The following DROSHA variants were observed in gnomAD, a reference collection of about 807,000 sequenced individuals.
DROSHA encodes ribonuclease 3.
A neutral mutation model predicts 181.9 loss-of-function variants in DROSHA; 56 were observed. That is an observed-to-expected ratio of 0.31 (90% confidence interval 0.25 to 0.38). The LOEUF (loss-of-function observed/expected upper bound fraction) is 0.38, where lower values mean the gene tolerates loss of function less well. DROSHA is among the 10% of genes least tolerant of loss of function. The probability of loss-of-function intolerance (pLI) is 1.00; values close to 1 mark genes in which losing one functional copy is unlikely to be tolerated. For synonymous variants in DROSHA, 524 were observed against 591.2 expected (o/e 0.89, Z 1.65); for missense variants, 1,218 against 1,743.5 (o/e 0.70, Z 5.37).
chr5:31,521,135 T>G lies in DROSHA; in HGVS notation c.935A>C (p.Lys312Thr). The change falls in exon 6 of 36, where the codon AAG (lysine) becomes ACG (threonine). Residue 312 changes from lysine (K) to threonine (T), a missense_variant. Physicochemically the swap from Lys to Thr is moderately conservative, Grantham distance 78 (BLOSUM62 -1). Transcript: ENST00000344624. Reference protein sequence around the residue: ...SLERSYKKEYKRSGRSYGLSV... With the variant: ...SLERSYKKEYTRSGRSYGLSV... Reference sequence around the variant, plus strand: ...ACTCCTTGCTTACCTTCCAGATCTCTTATACTCTTTTTTGTAGGACCTTTC... The same window carrying G: ...ACTCCTTGCTTACCTTCCAGATCTCGTATACTCTTTTTTGTAGGACCTTTC... 2 of 1,613,620 alleles carry G rather than the reference T, an allele frequency of 1.2e-6. No individual in the cohort carries two copies. Among genetic ancestry groups the G allele is most frequent in the Non-Finnish European group, 1.7e-6 (2 of 1,179,590 alleles).
intron 10 of DROSHA, among the ~76,000 whole-genome samples, chr5:31,505,138 C>T (rs539412423): frequency 3.3e-5 from 5 of 152,254 alleles, no homozygotes; most frequent in South Asian, 2.1e-4. Flanking sequence ...GGTTAGATTA[C>T]ATCTCTTTCT....
chr5:31,447,191 C>T (rs917161471), intron 23 of DROSHA, among the ~76,000 whole-genome samples: 2 of 152,120 alleles, frequency 1.3e-5, no homozygotes, highest in African/African-American at 4.8e-5. Flanking sequence ...CCACAGGTTA[C>T]ATGGACACAT....
chr5:31,483,489 G>A (rs10052174), intron 16 of DROSHA, 65 bp downstream of exon 16: 1,360,565 of 1,548,460 alleles, frequency 0.88, 603,354 homozygotes, highest in Non-Finnish European at 0.91. Context: ...AGACTGAAAG[G>A]AAAATGGCAA....
At chr5:31,405,981 A>G (rs575067165) in intron 34 of DROSHA, among the ~76,000 whole-genome samples, 1 of 152,126 alleles carries the variant, frequency 6.6e-6, no homozygotes, top group African/African-American at 2.4e-5. Flanking sequence ...TAATACTGCA[A>G]TAAAATGCCT....
At chr5:31,475,016 CA>C (rs1270274399) in intron 16 of DROSHA, among the ~76,000 whole-genome samples, 87 of 152,256 alleles carry the variant, frequency 5.7e-4, no homozygotes, top group African/African-American at 2.1e-3. Context: ...TTCTCCAAGT[CA>C]GTCTCAAAAC....
At chr5:31,403,532 G>GTATAAGCATTTTCCCATATCATTAGTTTT (rs1418456050) in intron 35 of DROSHA, among the ~76,000 whole-genome samples, 3 of 151,988 alleles carry the variant, frequency 2.0e-5, no homozygotes, top group African/African-American at 7.3e-5. Flanking sequence ...ACTTATTCTA[G>GTATAAGCATTTTCCCATATCATTAGTTTT]TATAAGCATT....
intron 20 of DROSHA, among the ~76,000 whole-genome samples, chr5:31,459,027 C>T (rs1473338875): frequency 2.6e-5 from 4 of 152,192 alleles, no homozygotes; most frequent in Non-Finnish European, 1.5e-5. Context: ...ACTTAAACAA[C>T]ATCAACTAAT....
At chr5:31,501,575 A>G (rs1031336339) in intron 11 of DROSHA, among the ~76,000 whole-genome samples, 4 of 152,110 alleles carry the variant, frequency 2.6e-5, no homozygotes, top group African/African-American at 4.8e-5. Flanking sequence ...TACCGGTCCT[A>G]TCTCCAATTA....
At chr5:31,408,976 A>G (rs1356767670) in intron 33 of DROSHA, 80 bp downstream of exon 33, 6 of 1,228,524 alleles carry the variant, frequency 4.9e-6, no homozygotes, top group African/African-American at 1.5e-5. Flanking sequence ...CCCCACAATG[A>G]CTCATTCTTC....
At chr5:31,433,689 C>T (rs531224133) in intron 25 of DROSHA, among the ~76,000 whole-genome samples, 3 of 152,170 alleles carry the variant, frequency 2.0e-5, no homozygotes, top group East Asian at 1.9e-4. Context: ...GGACTACAGG[C>T]GCCTGCCACC....
intron 26 of DROSHA, among the ~76,000 whole-genome samples, chr5:31,430,052 C>A (rs1743982190): frequency 6.6e-6 from 1 of 152,106 alleles, no homozygotes; most frequent in South Asian, 2.1e-4. Flanking sequence ...TAGGCAAACA[C>A]ATTAATGAAT....
At position 31,508,699 on chromosome 5, in the gene DROSHA, G is replaced by A. The variant is rs749853936; in HGVS notation, c.1509C>T (p.Asp503=). ...TTTTGCGTTTGATTTCTGCAATAAC[G>A]TCAAAAACTTCAGAGTCTGAGCTGC... The part of the protein sequence containing the change: ...CSSSSDSEVF[D]VIAEIKRKKA... Residue 503 remains aspartate, a synonymous_variant, in exon 10 of 36, where the codon GAC becomes GAT. Transcript: ENST00000344624. The A allele has an allele frequency of 2.0e-5, 33 of 1,613,730 alleles. No individual in the cohort carries two copies. Among genetic ancestry groups the A allele is most frequent in the South Asian group, 1.5e-4 (14 of 91,074 alleles).
intron 13 of DROSHA, chr5:31,489,089 G>A (rs1752104747): frequency 6.6e-6 from 1 of 152,200 alleles, no homozygotes; most frequent in Non-Finnish European, 1.5e-5. Context: ...AATCTAAAAT[G>A]TGAGAGTGGA....
At chr5:31,445,039 G>C (rs1162417792) in intron 23 of DROSHA, among the ~76,000 whole-genome samples, 2 of 152,206 alleles carry the variant, frequency 1.3e-5, no homozygotes, top group African/African-American at 4.8e-5. Context: ...TGAAGTAATT[G>C]CCTCGATTTT....
rs566037969 is a variant in DROSHA at position 31,410,160 on chromosome 5, G to A, written c.3667+586C>T. Reference sequence around the variant, plus strand: ...TATAATTCCCATTGTCAAAAATACCGTAACATTAAAAAAAAAGTTCTAAGG... The same window carrying A: ...TATAATTCCCATTGTCAAAAATACCATAACATTAAAAAAAAAGTTCTAAGG... On this transcript the variant is annotated intron_variant, in intron 31 of 35. Coordinates refer to ENST00000344624, the MANE Select transcript of DROSHA (RefSeq NM_001382508.1). Among the ~76,000 whole-genome samples, 666 of 152,028 alleles carry A rather than the reference G, an allele frequency of 4.4e-3. 5 individuals carry two copies. Among genetic ancestry groups the A allele is most frequent in the African/African-American group, 0.015 (617 of 41,462 alleles).
intron 25 of DROSHA, among the ~76,000 whole-genome samples, chr5:31,434,236 T>C (rs866542660): frequency 6.6e-6 from 1 of 152,228 alleles, no homozygotes; most frequent in Non-Finnish European, 1.5e-5. Context: ...ACTTTGTAAA[T>C]ATCCTCCCTA....
intron 11 of DROSHA, among the ~76,000 whole-genome samples, chr5:31,501,475 G>A (rs12656596): frequency 0.47 from 71,183 of 151,496 alleles, 20,701 homozygotes; most frequent in Non-Finnish European, 0.65. Flanking sequence ...CACCACCCCC[G>A]TCAACCCAGG....
chr5:31,462,706 G>A (rs1323747250), intron 20 of DROSHA, among the ~76,000 whole-genome samples: 1 of 151,588 alleles, frequency 6.6e-6, no homozygotes, highest in East Asian at 1.9e-4. Context: ...TGGCCTTAGG[G>A]ACTGCTACAG....
At chr5:31,525,503 C>CAAAAA (rs397970711) in intron 5 of DROSHA, among the ~76,000 whole-genome samples, 1 of 36,166 alleles carries the variant, frequency 2.8e-5, no homozygotes, top group Non-Finnish European at 5.4e-5. Context: ...GATTCTGTCA[C>CAAAAA]AAAAAAAAAA....
Sources: allele counts gnomAD v4.1 joint callset (sites outside exome capture counted in the v4.1 genomes callset), GRCh38; gene constraint gnomAD v4.1.1; transcripts MANE v1.5; gene names NCBI Gene and HGNC (gene_info 2026-07-23, HGNC 2026-07-21).